DKK4: variants seen among roughly 807,000 people sequenced by gnomAD.
DKK4 encodes dickkopf-related protein 4.
In DKK4, 15 loss-of-function variants were observed where a neutral mutation model predicts 14.5. The ratio of observed to expected loss-of-function variants is 1.03; its 90% CI spans 0.69 to 1.59. The LOEUF is 1.59. DKK4 is among the 40% of genes most tolerant of loss of function. DKK4 has a pLI of 0.00. For synonymous variants in DKK4, 89 were observed against 105.2 expected, an observed-to-expected ratio of 0.85 and a Z score of 0.94; for missense variants, 272 against 280.3, an observed-to-expected ratio of 0.97 and a Z score of 0.21.
chr8:42,379,184 G>A (rs956471024), upstream of DKK4, among the ~76,000 whole-genome samples: 5 of 148,652 alleles, frequency 3.4e-5, no homozygotes, highest in Non-Finnish European at 6.0e-5. Context: ...CTAGGAGACC[G>A]AGGTTGCAGT....
the DKK4 span, among the ~76,000 whole-genome samples, chr8:42,390,149 C>T: frequency 6.6e-6 from 1 of 152,120 alleles, no homozygotes; most frequent in African/African-American, 2.4e-5. Flanking sequence ...CCCCCTCGGC[C>T]TCCCAAAGTG....
chr8:42,385,437 T>C, the DKK4 span, among the ~76,000 whole-genome samples: 52 of 152,268 alleles, frequency 3.4e-4, no homozygotes, highest in African/African-American at 1.2e-3. Context: ...AATTAGATTC[T>C]GACTTTGGTA....
At chr8:42,380,644 GTGAGAGAAAGGAAGGA>G (rs1438096235), upstream of DKK4, among the ~76,000 whole-genome samples, 4 of 111,978 alleles carry the variant, frequency 3.6e-5, no homozygotes, top group Non-Finnish European at 6.6e-5. Context: ...AGGAAAGAAA[GTGAGAGAAAGGAAGGA>G]AGAAAGGAAG....
At chr8:42,382,394 G>A in the DKK4 span, among the ~76,000 whole-genome samples, 1 of 152,314 alleles carries the variant, frequency 6.6e-6, no homozygotes, top group Non-Finnish European at 1.5e-5. Flanking sequence ...TTGGGGACTA[G>A]AGATGATGGG....
Position 42,377,186 on chromosome 8 carries a change from A to G in DKK4, c.-141T>C. 1.5e-6 allele frequency: 1 copy of G among 667,648 alleles called. No individual in the cohort carries two copies. The highest frequency in any genetic ancestry group is 2.8e-5 in the Admixed American group (1 of 36,118). 41.4% of individuals were successfully genotyped at this position (667,648 alleles called of 1,614,324 possible). ...TCACTGCTTTTTCTGAAAGAAGTAA[A>G]CCTTAGTCTGAGTAAGGTGCGTGAA... On this transcript the variant is annotated 5_prime_UTR_variant, in exon 1 of 4. Transcript: ENST00000220812.
At chr8:42,387,205 A>G in the DKK4 span, among the ~76,000 whole-genome samples, 1 of 150,460 alleles carries the variant, frequency 6.6e-6, no homozygotes, top group Non-Finnish European at 1.5e-5. Flanking sequence ...GGAGAATGCC[A>G]TGGGTATTGG....
chr8:42,387,800 T>G, the DKK4 span, among the ~76,000 whole-genome samples: 1 of 152,200 alleles, frequency 6.6e-6, no homozygotes, highest in Admixed American at 6.5e-5. Context: ...ACCTTCTTGC[T>G]TCAGGTCTTT....
Position 42,374,765 on chromosome 8 carries a change from C to G in DKK4, c.411G>C (p.Arg137Ser). ...TGCTGCGAATGCTGTTCTTACCCTT[C>G]CTGCCTTGTGATTTCTTAATACTTG... ...RKPSIKKSQGRKGQEGESCLR... is the reference protein window; with the variant it reads ...RKPSIKKSQGSKGQEGESCLR... Residue 137 changes from arginine to serine, a missense_variant, in exon 3 of 4, where the codon AGG becomes AGC. Transcript: ENST00000220812. The G allele has an allele frequency of 1.2e-6, 2 of 1,614,222 alleles. No homozygotes were observed. Among genetic ancestry groups the G allele is most frequent in the Non-Finnish European group, 1.7e-6 (2 of 1,180,052 alleles).
In DKK4 at chr8:42,374,314, C is replaced by T; in HGVS notation, c.461G>A (p.Gly154Glu). Reference protein sequence around the residue: ...SCLRTFDCGPGLCCARHFWTK... With the variant: ...SCLRTFDCGPELCCARHFWTK... Reference sequence around the variant, plus strand: ...CCAAAAATGACGAGCACAGCAAAGTCCAGGGCCACAGTCAAAAGTTCTCAG... The same window carrying T: ...CCAAAAATGACGAGCACAGCAAAGTTCAGGGCCACAGTCAAAAGTTCTCAG... The change falls in exon 4 of 4, where the codon GGA (glycine) becomes GAA (glutamate). Residue 154 changes from glycine (G) to glutamate (E), a missense_variant. Transcript: ENST00000220812. 1 of 1,614,016 alleles carries T rather than the reference C, an allele frequency of 6.2e-7. No homozygotes were observed. The highest frequency in any genetic ancestry group is 8.5e-7 in the Non-Finnish European group (1 of 1,180,008).
intron 1 of DKK4, among the ~76,000 whole-genome samples, chr8:42,376,373 C>T (rs968501249): frequency 2.6e-5 from 4 of 152,106 alleles, no homozygotes; most frequent in Admixed American, 6.6e-5. Context: ...AGACATACAA[C>T]GTAGGTGTAG....
At chr8:42,375,908 G>A (rs1423034819) in intron 1 of DKK4, 78 bp from the exon 2 acceptor site, 46 of 1,538,898 alleles carry the variant, frequency 3.0e-5, no homozygotes, top group Non-Finnish European at 3.8e-5. Flanking sequence ...AAGGCAGGAG[G>A]CGGAGGGAGC....
At chr8:42,379,428 A>AGAGAGAG (rs1563415812), upstream of DKK4, among the ~76,000 whole-genome samples, 7 of 77,730 alleles carry the variant, frequency 9.0e-5, no homozygotes, top group Admixed American at 1.3e-4. Flanking sequence ...GAGAGAGAGA[A>AGAGAGAG]AGATTCAGAC....
chr8:42,377,190 T>C lies in DKK4; in HGVS notation c.-145A>G. On this transcript the variant is annotated 5_prime_UTR_variant, in exon 1 of 4. Transcript: ENST00000220812. ...TGCTTTTTCTGAAAGAAGTAAACCT[T>C]AGTCTGAGTAAGGTGCGTGAAATCG... The C allele has an allele frequency of 1.5e-6, 1 of 650,660 alleles. No individual in the cohort carries two copies. The highest frequency in any genetic ancestry group is 2.6e-6 in the Non-Finnish European group (1 of 381,274). The allele number at this position is 650,660 out of a possible 1,614,324, so 40.3% of individuals were successfully genotyped here.
At position 42,374,351 on chromosome 8, in the gene DKK4, C is replaced by T. The variant is rs1199127304; in HGVS notation, c.424G>A (p.Gly142Arg). Residue 142 changes from glycine to arginine, a missense_variant, in exon 4 of 4, where the codon GGA (glycine) becomes AGA (arginine). By Grantham distance (125) the Gly-to-Arg change is moderately radical (BLOSUM62 -2). Transcript: ENST00000220812. The part of the protein sequence containing the change: ...KKSQGRKGQE[G>R]ESCLRTFDCG... ...TCAAAAGTTCTCAGACAACTTTCTC[C>T]CTCTTGTCCTGTAACAAGGTTAATG... 1 of 1,613,018 alleles carries T rather than the reference C, an allele frequency of 6.2e-7. No individual in the cohort carries two copies. Among genetic ancestry groups the T allele is most frequent in the Non-Finnish European group, 8.5e-7 (1 of 1,179,868 alleles).
Position 42,377,202 on chromosome 8 carries a change from GGTGCGTGAAATC to G in DKK4, c.-169_-158del. The stretch of plus-strand genomic sequence containing the variant: ...AAGAAGTAAACCTTAGTCTGAGTAA[GGTGCGTGAAATC>G]GGCTGAGCAAAGTCTGACCAGCAGG... On this transcript the variant is annotated 5_prime_UTR_variant, in exon 1 of 4. Transcript: ENST00000220812. The G allele has an allele frequency of 1.6e-6, 1 of 614,318 alleles. No individual in the cohort carries two copies. The highest frequency in any genetic ancestry group is 2.8e-6 in the Non-Finnish European group (1 of 355,952). 38.1% of individuals were successfully genotyped at this position (614,318 alleles called of 1,614,324 possible).
chr8:42,374,480 C>A (rs1238174398), intron 3 of DKK4, 121 bp from the exon 4 acceptor site: 7 of 1,335,010 alleles, frequency 5.2e-6, no homozygotes, highest in Non-Finnish European at 7.3e-6. Flanking sequence ...ACAGACACAG[C>A]ACGCAGGTCT....
Position 42,374,853 on chromosome 8 carries a change from T to A in DKK4, c.323A>T (p.Asp108Val). The A allele has an allele frequency of 1.2e-6, 2 of 1,614,238 alleles. No homozygotes were observed. Among genetic ancestry groups the A allele is most frequent in the Non-Finnish European group, 8.5e-7 (1 of 1,180,050 alleles). Reference protein sequence around the residue: ...PILERQLDEQDGTHAEGTTGH... With the variant: ...PILERQLDEQVGTHAEGTTGH... ...AGTTGTTCCTTCTGCATGTGTGCCATCTTGCTCATCAAGCTGCCTTTCTAA... is the reference window on the plus strand; with the variant it reads ...AGTTGTTCCTTCTGCATGTGTGCCAACTTGCTCATCAAGCTGCCTTTCTAA... The change falls in exon 3 of 4, where the codon GAT (aspartate) becomes GTT (valine). Residue 108 changes from aspartate (D) to valine (V), a missense_variant. Coordinates refer to ENST00000220812, the MANE Select transcript of DKK4 (RefSeq NM_014420.3).
the DKK4 span, among the ~76,000 whole-genome samples, chr8:42,383,542 C>T: frequency 6.6e-6 from 1 of 152,266 alleles, no homozygotes; most frequent in African/African-American, 2.4e-5. Flanking sequence ...GCAGCAACAG[C>T]CTTGGAGTTG....
chr8:42,389,478 A>G, the DKK4 span, among the ~76,000 whole-genome samples: 1 of 152,182 alleles, frequency 6.6e-6, no homozygotes, highest in East Asian at 1.9e-4. Context: ...TTCAGCAGAT[A>G]TTTGTCCAAG....
Sources: gnomAD v4.1 joint callset for allele counts (sites outside exome capture counted in the v4.1 genomes callset) on GRCh38, gnomAD v4.1.1 for gene constraint, MANE v1.5 for transcripts, NCBI Gene and HGNC (gene_info 2026-07-23, HGNC 2026-07-21) for gene names.